THSD7B: variants seen among roughly 807,000 people sequenced by gnomAD.
THSD7B encodes thrombospondin type 1 domain containing 7B.
Under a neutral mutation model 213.6 loss-of-function variants are expected in THSD7B, and 138 were observed. That is an observed-to-expected ratio of 0.65 (90% CI 0.56 to 0.74). THSD7B has a LOEUF of 0.74. Ranked by LOEUF, THSD7B falls within the 30% of genes least tolerant of loss-of-function variation. THSD7B has a pLI of 0.00. For missense variants in THSD7B, 1,931 were observed against 1,991.5 expected, an observed-to-expected ratio of 0.97 and a Z score of 0.58; for synonymous variants, 742 against 687.0, an observed-to-expected ratio of 1.08 and a Z score of -1.25.
chr2:137,132,886 A>G (rs1381553854), intron 5 of THSD7B, among the ~76,000 whole-genome samples: 1 of 152,158 alleles, frequency 6.6e-6, no homozygotes, highest in African/African-American at 2.4e-5. Flanking sequence ...ACTACATGAA[A>G]TTTACCTACT....
intron 1 of THSD7B, among the ~76,000 whole-genome samples, chr2:136,795,392 G>A (rs2104917509): frequency 6.6e-6 from 1 of 151,972 alleles, no homozygotes; most frequent in East Asian, 1.9e-4. Context: ...GACTCAGAAG[G>A]ACTCCTGTGA....
At chr2:137,155,636 A>G (rs905749633) in intron 5 of THSD7B, among the ~76,000 whole-genome samples, 2 of 152,198 alleles carry the variant, frequency 1.3e-5, no homozygotes, top group Non-Finnish European at 2.9e-5. Context: ...GAACAGCCAC[A>G]AATTTTTAAA....
intron 3 of THSD7B, among the ~76,000 whole-genome samples, chr2:137,083,228 C>A (rs552986398): frequency 6.6e-6 from 1 of 152,208 alleles, no homozygotes; most frequent in African/African-American, 2.4e-5. Flanking sequence ...AGGTAAACAT[C>A]ATTTTTATCA....
At chr2:137,276,965 A>G (rs1682889258) in intron 12 of THSD7B, among the ~76,000 whole-genome samples, 1 of 152,096 alleles carries the variant, frequency 6.6e-6, no homozygotes, top group African/African-American at 2.4e-5. Flanking sequence ...TGTGTAAATT[A>G]TAAGAATGAA....
chr2:137,534,302 G>A (rs1424160445), intron 15 of THSD7B, among the ~76,000 whole-genome samples: 1 of 151,566 alleles, frequency 6.6e-6, no homozygotes, highest in Non-Finnish European at 1.5e-5. Flanking sequence ...AGTTGTTGCT[G>A]GCTATTTAAT....
intron 5 of THSD7B, among the ~76,000 whole-genome samples, chr2:137,152,449 A>G (rs773641025): frequency 6.6e-5 from 10 of 152,176 alleles, no homozygotes; most frequent in Non-Finnish European, 1.5e-4. Flanking sequence ...GGATATGGAG[A>G]TTTAAGAAGC....
chr2:137,623,875 A>G (rs987688102), intron 20 of THSD7B, among the ~76,000 whole-genome samples: 1 of 152,250 alleles, frequency 6.6e-6, no homozygotes, highest in Non-Finnish European at 1.5e-5. Flanking sequence ...TGTAGGAAGA[A>G]TCAATATCGT....
intron 20 of THSD7B, among the ~76,000 whole-genome samples, chr2:137,627,534 A>G (rs994300421): frequency 2.6e-5 from 4 of 152,218 alleles, no homozygotes; most frequent in African/African-American, 7.2e-5. Context: ...GGACTCATCT[A>G]TAAGCTACTC....
chr2:137,290,355 C>T (rs541604843), intron 12 of THSD7B, among the ~76,000 whole-genome samples: 214 of 152,186 alleles, frequency 1.4e-3, no homozygotes, highest in Non-Finnish European at 2.6e-3. Flanking sequence ...TCCCAAAGTG[C>T]TGGGATTACA....
At chr2:137,296,064 T>G (rs1683455699) in intron 12 of THSD7B, among the ~76,000 whole-genome samples, 1 of 151,924 alleles carries the variant, frequency 6.6e-6, no homozygotes. Context: ...TTGCTCTTGT[T>G]GTAAATGGTT....
At chr2:137,225,110 T>C (rs1366459588) in intron 7 of THSD7B, among the ~76,000 whole-genome samples, 2 of 152,368 alleles carry the variant, frequency 1.3e-5, no homozygotes, top group East Asian at 3.9e-4. Context: ...ATCATTATTA[T>C]ATTTTTTGCC....
chr2:137,271,914 T>C (rs1466245417), intron 10 of THSD7B, among the ~76,000 whole-genome samples: 3 of 152,144 alleles, frequency 2.0e-5, no homozygotes, highest in African/African-American at 7.2e-5. Flanking sequence ...TTTTAATTGA[T>C]GTTCCTATTA....
intron 2 of THSD7B, among the ~76,000 whole-genome samples, chr2:136,919,790 G>A (rs1369737212): frequency 6.6e-6 from 1 of 152,220 alleles, no homozygotes; most frequent in African/African-American, 2.4e-5. Context: ...GGCAAGGAGT[G>A]TGTGAGCAAG....
chr2:137,146,949 G>A (rs373428427), intron 5 of THSD7B, among the ~76,000 whole-genome samples: 3 of 152,262 alleles, frequency 2.0e-5, no homozygotes, highest in African/African-American at 7.2e-5. Flanking sequence ...TTAAATGAGA[G>A]TGTTTTGTCA....
rs76021836 is a variant in THSD7B, at chr2:137,170,021, C to T, written c.1526-720C>T. 8.7e-3 allele frequency among the ~76,000 whole-genome samples: 1,324 copies of T among 152,136 alleles called. 22 individuals carry two copies. The highest frequency in any genetic ancestry group is 0.03 in the African/African-American group (1,246 of 41,504). ...CACTCGCTGCAGTCTCATGGTTGAC[C>T]CATTTGCCTCGATGTGTACCTGCTT... On this transcript the variant is annotated intron_variant, in intron 6 of 27. Transcript: ENST00000409968.
chr2:137,227,595 G>C (rs1681538301), intron 7 of THSD7B, among the ~76,000 whole-genome samples: 1 of 152,068 alleles, frequency 6.6e-6, no homozygotes, highest in South Asian at 2.1e-4. Context: ...TCTGAGATGG[G>C]TTCTGTCTGC....
At chr2:137,464,610 A>T (rs183441554) in intron 15 of THSD7B, among the ~76,000 whole-genome samples, 2 of 152,214 alleles carry the variant, frequency 1.3e-5, no homozygotes, top group Non-Finnish European at 2.9e-5. Context: ...ACTAAGCATA[A>T]GCAGTCTTCT....
At chr2:137,507,675 TTC>T (rs1292436447) in intron 15 of THSD7B, among the ~76,000 whole-genome samples, 1 of 152,200 alleles carries the variant, frequency 6.6e-6, no homozygotes, top group Admixed American at 6.5e-5. Flanking sequence ...ATCCATTTTT[TTC>T]TGTTTCCTTT....
At chr2:136,927,728 T>C (rs574449516) in intron 2 of THSD7B, among the ~76,000 whole-genome samples, 9 of 152,326 alleles carry the variant, frequency 5.9e-5, no homozygotes, top group South Asian at 2.1e-4. Flanking sequence ...TAGTGAGGAC[T>C]GACTGATGAC....
Sources: gnomAD v4.1 joint callset for allele counts (sites outside exome capture counted in the v4.1 genomes callset) on GRCh38, gnomAD v4.1.1 for gene constraint, MANE v1.5 for transcripts, NCBI Gene and HGNC (gene_info 2026-07-23, HGNC 2026-07-21) for gene names.